TPRG1: variants seen among roughly 807,000 people sequenced by gnomAD.
TPRG1 encodes the protein tumor protein p63-regulated gene 1 protein.
TPRG1 carries 29 observed loss-of-function variants against 29.3 expected under a neutral mutation model. The ratio of observed to expected loss-of-function variants is 0.99; its 90% CI spans 0.74 to 1.35. TPRG1 has a LOEUF of 1.35. Ranked by LOEUF, TPRG1 falls within the 40% of genes most tolerant of loss-of-function variation. The pLI, the probability that TPRG1 is intolerant of heterozygous loss-of-function variation, is 0.00. For missense variants in TPRG1, 327 were observed against 335.0 expected (o/e 0.98, Z 0.19); for synonymous variants, 130 against 116.8 (o/e 1.11, Z -0.73).
intron 1 of TPRG1, among the ~76,000 whole-genome samples, chr3:189,126,098 A>G (rs1159151954): frequency 1.3e-5 from 2 of 152,086 alleles, no homozygotes; most frequent in East Asian, 3.8e-4. Context: ...TAGATAATAA[A>G]AATCCTGGAA....
Position 189,207,518 on chromosome 3 carries a change from C to G in TPRG1, c.134C>G (p.Ser45Ter). 6.2e-7 allele frequency: 1 copy of G among 1,614,014 alleles called. No homozygotes were observed. The highest frequency in any genetic ancestry group is 8.5e-7 in the Non-Finnish European group (1 of 1,179,954). ...DPMPRQISRQ[S>*]SVTESTLYPN... Reference sequence around the variant, plus strand: ...ATGCCAAGACAGATTTCAAGGCAGTCAAGTGTGACCGAATCAACTCTTTAC... The same window carrying G: ...ATGCCAAGACAGATTTCAAGGCAGTGAAGTGTGACCGAATCAACTCTTTAC... Residue 45 changes from serine to a stop codon, truncating the protein, a stop_gained, in exon 2 of 6, where the codon TCA becomes TGA. Transcript: ENST00000345063. LOFTEE classifies it high-confidence loss of function.
intron 4 of TPRG1, among the ~76,000 whole-genome samples, chr3:189,292,914 G>A (rs1173671363): frequency 6.6e-6 from 1 of 152,134 alleles, no homozygotes; most frequent in East Asian, 1.9e-4. Context: ...ATGGATGAGA[G>A]GGGCCTCTGC....
chr3:189,072,951 T>G (rs1243829944), intron 4 of TPRG1, among the ~76,000 whole-genome samples: 4 of 152,202 alleles, frequency 2.6e-5, no homozygotes, highest in Non-Finnish European at 5.9e-5. Flanking sequence ...TATTGTTATA[T>G]GCTTCCCAAG....
intron 4 of TPRG1, among the ~76,000 whole-genome samples, chr3:189,257,726 T>C (rs1712166276): frequency 6.6e-6 from 1 of 152,212 alleles, no homozygotes; most frequent in African/African-American, 2.4e-5. Context: ...TTTTCTCTAA[T>C]CTTGTCTTTA....
chr3:189,060,385 G>A (rs1716023187), intron 4 of TPRG1, among the ~76,000 whole-genome samples: 1 of 152,132 alleles, frequency 6.6e-6, no homozygotes, highest in Non-Finnish European at 1.5e-5. Flanking sequence ...ACTGACACAA[G>A]ACAAGTATGC....
At chr3:189,052,223 G>A (rs77169041) in intron 4 of TPRG1, among the ~76,000 whole-genome samples, 1 of 151,978 alleles carries the variant, frequency 6.6e-6, no homozygotes, top group East Asian at 1.9e-4. Flanking sequence ...ATCCAGAACT[G>A]CAATGAACTC....
At chr3:189,015,277 C>G (rs938239254) in intron 3 of TPRG1, among the ~76,000 whole-genome samples, 3 of 152,118 alleles carry the variant, frequency 2.0e-5, no homozygotes, top group African/African-American at 7.2e-5. Context: ...GAAGAAATTT[C>G]TAAGCAGTAA....
intron 1 of TPRG1, among the ~76,000 whole-genome samples, chr3:189,195,853 G>A (rs899445982): frequency 2.1e-4 from 32 of 152,172 alleles, no homozygotes; most frequent in Admixed American, 2.0e-3. Context: ...CCATCTCTAC[G>A]TAACAATCCC....
intron 5 of TPRG1, among the ~76,000 whole-genome samples, chr3:189,156,487 G>C (rs1361739280): frequency 6.6e-6 from 1 of 152,216 alleles, no homozygotes; most frequent in African/African-American, 2.4e-5. Flanking sequence ...GACGCAGAGA[G>C]GGTCAGGGAT....
At chr3:189,241,046 T>A (rs1740494740) in intron 4 of TPRG1, among the ~76,000 whole-genome samples, 1 of 152,200 alleles carries the variant, frequency 6.6e-6, no homozygotes, top group Non-Finnish European at 1.5e-5. Flanking sequence ...TACAAAGTGC[T>A]GCTACAAATA....
chr3:189,195,683 A>G (rs551433701), intron 1 of TPRG1, among the ~76,000 whole-genome samples: 4 of 152,214 alleles, frequency 2.6e-5, no homozygotes, highest in African/African-American at 9.7e-5. Flanking sequence ...GCCTGTGAGC[A>G]CAGCTGGGGA....
intron 4 of TPRG1, among the ~76,000 whole-genome samples, chr3:189,262,864 C>T (rs1231323074): frequency 1.3e-5 from 2 of 152,200 alleles, no homozygotes; most frequent in African/African-American, 4.8e-5. Flanking sequence ...GTTGGCAGGC[C>T]CAGGGCCTTG....
At chr3:189,116,992 C>G (rs1036120331) in intron 1 of TPRG1, among the ~76,000 whole-genome samples, 1 of 152,128 alleles carries the variant, frequency 6.6e-6, no homozygotes, top group Non-Finnish European at 1.5e-5. Context: ...AAAATTTTCT[C>G]AAAGAGAAGT....
At chr3:189,212,180 G>A (rs1170554080) in intron 2 of TPRG1, 1 of 151,988 alleles carries the variant, frequency 6.6e-6, no homozygotes, top group Non-Finnish European at 1.5e-5. Context: ...ATTTATACTC[G>A]AGAATGTAAA....
At chr3:189,215,202 C>T in intron 2 of TPRG1, 90 bp from the exon 3 acceptor site, 3 of 1,044,104 alleles carry the variant, frequency 2.9e-6, no homozygotes, top group Non-Finnish European at 4.1e-6. Flanking sequence ...GACCAGCTTT[C>T]CGGAGGAGCT....
Position 189,035,907 on chromosome 3 carries a change from A to G in TPRG1, c.-463+11961A>G, listed in dbSNP as rs1199687271. ...AACAGAACTACCATTCTACCCAGCA[A>G]TCCCCTTACTGGGTCTATACCCAGA... On this transcript the variant is annotated intron_variant, in intron 4 of 10. Transcript: ENST00000433971. Among the ~76,000 whole-genome samples the G allele has an allele frequency of 2.6e-5, 4 of 152,188 alleles. No individual in the cohort carries two copies. The East Asian group carries it at 7.7e-4, about 29-fold the overall frequency.
chr3:189,193,740 G>A (rs1344613832), intron 1 of TPRG1, among the ~76,000 whole-genome samples: 1 of 150,228 alleles, frequency 6.7e-6, no homozygotes, highest in Non-Finnish European at 1.5e-5. Flanking sequence ...GAATACTGCG[G>A]GATTTCTGTT....
At chr3:189,211,644 T>A (rs1028667482) in intron 2 of TPRG1, 1 of 152,110 alleles carries the variant, frequency 6.6e-6, no homozygotes, top group Non-Finnish European at 1.5e-5. Flanking sequence ...GCTTCGGAGC[T>A]CCCAGCTAGA....
At chr3:189,089,425 CTT>C (rs1232058624) in intron 4 of TPRG1, among the ~76,000 whole-genome samples, 2 of 152,172 alleles carry the variant, frequency 1.3e-5, no homozygotes, top group Non-Finnish European at 2.9e-5. Context: ...AATATTCTCT[CTT>C]AACATTTTCA....
Sources: gnomAD v4.1 joint callset for allele counts (sites outside exome capture counted in the v4.1 genomes callset) on GRCh38, gnomAD v4.1.1 for gene constraint, MANE v1.5 for transcripts, NCBI Gene and HGNC (gene_info 2026-07-23, HGNC 2026-07-21) for gene names.